The following DOCK9 variants were observed in gnomAD, a reference collection of about 807,000 sequenced individuals.
DOCK9 encodes the protein dedicator of cytokinesis protein 9.
A neutral mutation model predicts 263.3 loss-of-function variants in DOCK9; 89 were observed. That is an observed-to-expected ratio of 0.34 (90% CI 0.28 to 0.40). The LOEUF (loss-of-function observed/expected upper bound fraction) is 0.40. Ranked by LOEUF, DOCK9 falls within the 10% of genes least tolerant of loss-of-function variation. The pLI, the probability that DOCK9 is intolerant of heterozygous loss-of-function variation, is 1.00. For synonymous variants in DOCK9, 976 were observed against 973.1 expected (o/e 1.00, Z -0.06); for missense variants, 2,140 against 2,603.4 (o/e 0.82, Z 3.87).
At chr13:99,037,242 A>G (rs140086855) in intron 1 of DOCK9, among the ~76,000 whole-genome samples, 1 of 152,230 alleles carries the variant, frequency 6.6e-6, no homozygotes, top group Admixed American at 6.5e-5. Context: ...ACCTGATTAA[A>G]GATTTGTATC....
chr13:98,794,551 A>G lies in DOCK9; in HGVS notation c.*75T>C, dbSNP rs1271547411. ...GGTCCTCCCTGTGCTCGGTCTCCCC[A>G]GTGATTGGCTTTGGAAAGCATCCTG... On this transcript the variant is annotated 3_prime_UTR_variant, in exon 53 of 53. Transcript: ENST00000682017. 6.6e-7 allele frequency: 1 copy of G among 1,508,288 alleles called. No homozygotes were observed. The highest frequency in any genetic ancestry group is 2.5e-5 in the East Asian group (1 of 40,040). 93.4% of individuals were successfully genotyped at this position (1,508,288 alleles called of 1,614,324 possible). A position where few individuals can be genotyped will look rare whatever the true frequency, so the allele number is the denominator to read the frequency against.
rs2041828747 is a variant in DOCK9 at position 99,074,540 on chromosome 13, G to A, written c.129+11683C>T. On this transcript the variant is annotated intron_variant, in intron 1 of 32. Coordinates refer to the DOCK9 transcript ENST00000427887. ...ATGAGACTTCGGGTCGCCCCACTCC[G>A]TGCCCAGCGGCAACTGTTTAAAGTC... Among the ~76,000 whole-genome samples the A allele has an allele frequency of 3.3e-5, 5 of 152,166 alleles. No homozygotes were observed. The South Asian group carries it at 8.3e-4, about 25-fold the overall frequency.
At chr13:99,009,805 T>A (rs1204434432) in intron 1 of DOCK9, among the ~76,000 whole-genome samples, 1 of 152,150 alleles carries the variant, frequency 6.6e-6, no homozygotes, top group Non-Finnish European at 1.5e-5. Context: ...ACATGATCAA[T>A]TAAAGGATTT....
intron 1 of DOCK9, among the ~76,000 whole-genome samples, chr13:99,007,171 CG>C (rs1297721666): frequency 1.3e-5 from 2 of 151,886 alleles, no homozygotes; most frequent in African/African-American, 4.8e-5. Context: ...GGGTGGATCA[CG>C]AGGTCAGGAG....
At chr13:98,922,271 A>C in intron 5 of DOCK9, 125 bp from the exon 6 acceptor site, 1 of 592,160 alleles carries the variant, frequency 1.7e-6, no homozygotes, top group East Asian at 2.9e-5. Flanking sequence ...TTACTGAAGC[A>C]CCCATTGACA....
At chr13:98,817,864 G>A (rs2090276836) in intron 45 of DOCK9, among the ~76,000 whole-genome samples, 2 of 151,088 alleles carry the variant, frequency 1.3e-5, no homozygotes, top group African/African-American at 4.9e-5. Flanking sequence ...AGTAGATAGA[G>A]CTTAGTAAGT....
chr13:98,964,354 A>G (rs2058984882), intron 1 of DOCK9, among the ~76,000 whole-genome samples: 1 of 152,150 alleles, frequency 6.6e-6, no homozygotes. Flanking sequence ...GTGTTGGATG[A>G]GTGAGGGACC....
rs535319951 is a variant in DOCK9, at chr13:98,843,862, G to A, written c.4198+2062C>T. On this transcript the variant is annotated intron_variant, in intron 38 of 52. Coordinates refer to ENST00000682017, the MANE Select transcript of DOCK9 (RefSeq NM_001366683.2). The stretch of plus-strand genomic sequence containing the variant: ...CAGTGGGAAGAGCTGCTGCATATCC[G>A]AGTGGATTAAGGTTATTTATTCACA... 9.2e-5 allele frequency among the ~76,000 whole-genome samples: 14 copies of A among 152,310 alleles called. 1 individual carries two copies. The highest frequency in any genetic ancestry group is 2.2e-4 in the African/African-American group (9 of 41,578).
At position 98,932,540 on chromosome 13, in the gene DOCK9, T is replaced by G. The variant is rs73562500; in HGVS notation, c.244-2283A>C. ...ATGACTACACTGGGATCTCACAGCA[T>G]TGGTCCTGGCAGTTTCCTTTCTTCC... On this transcript the variant is annotated intron_variant, in intron 2 of 52. Transcript: ENST00000682017. Among the ~76,000 whole-genome samples the G allele has an allele frequency of 7.6e-3, 1,159 of 152,342 alleles. 15 individuals carry two copies. Among genetic ancestry groups the G allele is most frequent in the African/African-American group, 0.027 (1,124 of 41,568 alleles).
At chr13:98,966,613 G>C (rs547280164) in intron 1 of DOCK9, among the ~76,000 whole-genome samples, 1 of 152,286 alleles carries the variant, frequency 6.6e-6, no homozygotes, top group South Asian at 2.1e-4. Context: ...AAGTAATGAA[G>C]CTAAAAGGCT....
rs2092466646 is a variant in DOCK9, at chr13:98,825,034, G to T, written c.5024-530C>A. ...AGCCATAATGGTGAGCAGACAGGCTGCCTTAGCTGGTTCCCACCCCAGAGG... is the reference window on the plus strand; with the variant it reads ...AGCCATAATGGTGAGCAGACAGGCTTCCTTAGCTGGTTCCCACCCCAGAGG... On this transcript the variant is annotated intron_variant, in intron 44 of 52. Transcript: ENST00000682017. This position sits in a 1 kb window ranked among gnomAD's most constrained non-coding sequence, Gnocchi z 4.1. 1.3e-5 allele frequency among the ~76,000 whole-genome samples: 2 copies of T among 152,316 alleles called. No homozygotes were observed. The highest frequency in any genetic ancestry group is 6.8e-3 in the Middle Eastern group (2 of 294).
chr13:98,958,481 A>T (rs1227139219), intron 1 of DOCK9, among the ~76,000 whole-genome samples: 1 of 152,274 alleles, frequency 6.6e-6, no homozygotes, highest in Non-Finnish European at 1.5e-5. Flanking sequence ...TTAGAGCAGG[A>T]GTCGACAACT....
intron 44 of DOCK9, 56 bp from the exon 45 acceptor site, chr13:98,824,560 CCT>C: frequency 6.6e-7 from 1 of 1,516,370 alleles, no homozygotes; most frequent in Non-Finnish European, 9.1e-7. Context: ...GTGGGTGAAC[CCT>C]GAGGGTTTTT....
At chr13:98,827,997 G>A (rs1356727092) in intron 43 of DOCK9, among the ~76,000 whole-genome samples, 1 of 152,178 alleles carries the variant, frequency 6.6e-6, no homozygotes, top group Non-Finnish European at 1.5e-5. Context: ...AGGTCATACT[G>A]GTGTGTGGTG....
intron 1 of DOCK9, among the ~76,000 whole-genome samples, chr13:98,975,323 C>T (rs960633726): frequency 2.6e-5 from 4 of 151,468 alleles, no homozygotes; most frequent in Admixed American, 2.6e-4. Flanking sequence ...GATCGTACCA[C>T]TGCACTGCAA....
intron 2 of DOCK9, among the ~76,000 whole-genome samples, chr13:98,936,946 T>C (rs1481841069): frequency 6.6e-6 from 1 of 152,252 alleles, no homozygotes; most frequent in African/African-American, 2.4e-5. Context: ...AAGAGATTTA[T>C]ACTCCAAAAG....
chr13:99,086,440 G>C (rs1236760472), exon 1 of DOCK9: 2 of 857,486 alleles, frequency 2.3e-6, no homozygotes. Context: ...CGCCCGGCCC[G>C]CTCCGCCCGC....
At chr13:99,084,580 T>C (rs1414055512) in intron 1 of DOCK9, among the ~76,000 whole-genome samples, 4 of 152,208 alleles carry the variant, frequency 2.6e-5, no homozygotes, top group Non-Finnish European at 5.9e-5. Flanking sequence ...TAGTAGGCCA[T>C]CCTCCGATGG....
At chr13:98,852,216 G>A (rs1414045914) in intron 35 of DOCK9, among the ~76,000 whole-genome samples, 1 of 152,196 alleles carries the variant, frequency 6.6e-6, no homozygotes, top group Non-Finnish European at 1.5e-5. Flanking sequence ...TTAATGGGAA[G>A]AATTTCAACT....
Sources: gnomAD v4.1 joint callset for allele counts (sites outside exome capture counted in the v4.1 genomes callset) on GRCh38, gnomAD v4.1.1 for gene constraint, Gnocchi (gnomAD v3.1) non-coding constraint, MANE v1.5 for transcripts, NCBI Gene and HGNC (gene_info 2026-07-23, HGNC 2026-07-21) for gene names.